Variants in PKD2L1 observed in about 807,000 individuals in gnomAD.
PKD2L1 encodes polycystin-2-like protein 1.
A neutral mutation model predicts 93.0 loss-of-function variants in PKD2L1; 77 were observed. That is an observed-to-expected ratio of 0.83 (90% CI 0.69 to 1.00). The LOEUF is 1.00. Among genes scored for constraint, PKD2L1 ranks in the 50% least tolerant of loss-of-function variants. PKD2L1 has a pLI of 0.00. For missense variants in PKD2L1, 977 were observed against 990.9 expected (o/e 0.99, Z 0.19); for synonymous variants, 390 against 388.0 (o/e 1.01, Z -0.06).
intron 2 of PKD2L1, among the ~76,000 whole-genome samples, chr10:100,316,395 C>T (rs556577652): frequency 6.6e-6 from 1 of 152,354 alleles, no homozygotes; most frequent in South Asian, 2.1e-4. Context: ...TGGTCTCGAA[C>T]TCCTGACCTC....
intron 2 of PKD2L1, among the ~76,000 whole-genome samples, chr10:100,322,440 TG>T (rs1299015169): frequency 6.6e-6 from 1 of 151,474 alleles, no homozygotes; most frequent in African/African-American, 2.4e-5. Flanking sequence ...GGCAGGACAC[TG>T]CACTCCAGCC....
chr10:100,319,136 A>G (rs1260622), intron 2 of PKD2L1, among the ~76,000 whole-genome samples: 147,056 of 152,334 alleles, frequency 0.97, 71,090 homozygotes, highest in Middle Eastern at 0.99. Context: ...GTGAGCCACT[A>G]AGGCTGGCTG....
chr10:100,296,766 C>T (rs1669272240), intron 6 of PKD2L1, among the ~76,000 whole-genome samples: 1 of 151,010 alleles, frequency 6.6e-6, no homozygotes, highest in African/African-American at 2.4e-5. Flanking sequence ...GCTCAGATGA[C>T]AGGTGAGGAG....
intron 2 of PKD2L1, among the ~76,000 whole-genome samples, chr10:100,316,645 T>C (rs1589678607): frequency 6.6e-6 from 1 of 152,362 alleles, no homozygotes; most frequent in South Asian, 2.1e-4. Flanking sequence ...TGCTATGAAA[T>C]AATCTAATTT....
chr10:100,326,260 A>G (rs1232382175), intron 2 of PKD2L1, among the ~76,000 whole-genome samples: 1 of 152,102 alleles, frequency 6.6e-6, no homozygotes, highest in African/African-American at 2.4e-5. Flanking sequence ...CATGCCTTAT[A>G]AGGCCCCTCA....
chr10:100,292,999 T>C lies in PKD2L1; in HGVS notation c.1829A>G (p.Gln610Arg), dbSNP rs764502220. 8.1e-6 allele frequency: 13 copies of C among 1,613,874 alleles called. No homozygotes were observed. The South Asian group carries it at 1.2e-4, about 15-fold the overall frequency. Residue 610 changes from glutamine to arginine, a missense_variant, in exon 11 of 16, where the codon CAG (glutamine) becomes CGG (arginine). Physicochemically the swap from Gln to Arg is conservative, Grantham distance 43 (BLOSUM62 1). Coordinates refer to ENST00000318222, the MANE Select transcript of PKD2L1 (RefSeq NM_016112.3). ...AAACTGGATCTCCTGCTCCCCACCCTGCAGGACCTTCTGCACATCCGAAAC... is the reference window on the plus strand; with the variant it reads ...AAACTGGATCTCCTGCTCCCCACCCCGCAGGACCTTCTGCACATCCGAAAC... ...ERVSDVQKVL[Q>R]GGEQEIQFED...
rs1589687438 is a variant in PKD2L1, at chr10:100,328,949, T to C, written c.349+262A>G. Among the ~76,000 whole-genome samples, 3 of 152,184 alleles carry C rather than the reference T, an allele frequency of 2.0e-5. No homozygotes were observed. In the East Asian group the frequency reaches 5.8e-4, roughly 29 times the overall value. The stretch of plus-strand genomic sequence containing the variant: ...CACCTTTTCAGCCAATAGAAAACAA[T>C]GGCTGCCAAAAACTGGTTTCCCCTT... On this transcript the variant is annotated intron_variant, in intron 2 of 15. Coordinates refer to ENST00000318222, the MANE Select transcript of PKD2L1 (RefSeq NM_016112.3).
intron 2 of PKD2L1, among the ~76,000 whole-genome samples, chr10:100,323,864 G>A (rs1298220686): frequency 6.6e-6 from 1 of 151,924 alleles, no homozygotes; most frequent in African/African-American, 2.4e-5. Flanking sequence ...GTCTTTCTCT[G>A]TCACCCAGTC....
intron 2 of PKD2L1, among the ~76,000 whole-genome samples, chr10:100,315,704 G>A (rs1298045876): frequency 6.6e-6 from 1 of 152,160 alleles, no homozygotes; most frequent in Non-Finnish European, 1.5e-5. Flanking sequence ...AATAGAATGA[G>A]AAGAAATGCT....
chr10:100,290,333 A>T, intron 13 of PKD2L1, 68 bp downstream of exon 13: 1 of 1,290,686 alleles, frequency 7.7e-7, no homozygotes. Flanking sequence ...TTGTGGGAAA[A>T]GTACAAGACA....
At chr10:100,318,521 CTTTTT>C (rs535608372) in intron 2 of PKD2L1, among the ~76,000 whole-genome samples, 1 of 139,694 alleles carries the variant, frequency 7.2e-6, no homozygotes, top group Non-Finnish European at 1.6e-5. Context: ...TTTTTCTTTT[CTTTTT>C]TTTTTTTTTT....
Position 100,330,096 on chromosome 10 carries a change from G to A in PKD2L1, c.8C>T (p.Ala3Val). ...CTCCTGCCCCTCAGGACTTCCCACA[G>A]CATTCATGGGGAATGAGGTGGGGGG... MN[A>V]VGSPEGQELQ... Residue 3 changes from alanine (A) to valine (V), a missense_variant, in exon 1 of 16, where the codon GCT becomes GTT. By Grantham distance (64) the Ala-to-Val change is moderately conservative. Coordinates refer to ENST00000318222, the MANE Select transcript of PKD2L1 (RefSeq NM_016112.3). 6.4e-7 allele frequency: 1 copy of A among 1,569,936 alleles called. No homozygotes were observed. The highest frequency in any genetic ancestry group is 8.7e-7 in the Non-Finnish European group (1 of 1,153,652).
At chr10:100,327,270 C>T (rs1037935091) in intron 2 of PKD2L1, among the ~76,000 whole-genome samples, 2 of 152,198 alleles carry the variant, frequency 1.3e-5, no homozygotes, top group South Asian at 2.1e-4. Flanking sequence ...GGAAGGATCA[C>T]AGAGAAAGGA....
chr10:100,300,726 G>A (rs956601255), intron 2 of PKD2L1, among the ~76,000 whole-genome samples: 1 of 152,094 alleles, frequency 6.6e-6, no homozygotes, highest in African/African-American at 2.4e-5. Flanking sequence ...TTGTTAAGGT[G>A]GTGTCTGCCA....
chr10:100,324,351 T>C (rs1400562923), intron 2 of PKD2L1, among the ~76,000 whole-genome samples: 1 of 152,234 alleles, frequency 6.6e-6, no homozygotes, highest in Admixed American at 6.5e-5. Flanking sequence ...GTACATTGTG[T>C]GGGTTTTACG....
intron 15 of PKD2L1, 55 bp downstream of exon 15, chr10:100,288,917 G>T: frequency 8.4e-7 from 1 of 1,185,950 alleles, no homozygotes; most frequent in Non-Finnish European, 1.2e-6. Flanking sequence ...GGGGGCCTGT[G>T]CGGAGGCAGA....
intron 9 of PKD2L1, among the ~76,000 whole-genome samples, chr10:100,293,721 C>T (rs1315864957): frequency 6.6e-6 from 1 of 152,088 alleles, no homozygotes; most frequent in Non-Finnish European, 1.5e-5. Flanking sequence ...GGTGAGAGTA[C>T]AATTGTGATC....
intron 2 of PKD2L1, among the ~76,000 whole-genome samples, chr10:100,311,265 C>G (rs1848926565): frequency 6.6e-6 from 1 of 152,158 alleles, no homozygotes. Context: ...CTAGAGTGTT[C>G]TGGTACACGT....
intron 9 of PKD2L1, 46 bp from the exon 10 acceptor site, chr10:100,293,425 G>A (rs1411825330): frequency 8.1e-7 from 1 of 1,237,048 alleles, no homozygotes; most frequent in Non-Finnish European, 1.2e-6. Context: ...CAGACCCACT[G>A]AAAGGATTGA....
Sources: gnomAD v4.1 joint callset for allele counts (sites outside exome capture counted in the v4.1 genomes callset) on GRCh38, gnomAD v4.1.1 for gene constraint, MANE v1.5 for transcripts, NCBI Gene and HGNC (gene_info 2026-07-23, HGNC 2026-07-21) for gene names.